Variants in NEO1 observed in about 807,000 individuals in gnomAD.
NEO1 encodes the protein neogenin 1.
NEO1 carries 63 observed loss-of-function variants against 159.7 expected under a neutral mutation model. The ratio of observed to expected loss-of-function variants is 0.39; its 90% CI spans 0.32 to 0.49. The LOEUF is 0.49. Ranked by LOEUF, NEO1 falls within the 20% of genes least tolerant of loss-of-function variation. NEO1 has a pLI of 0.85. For synonymous variants in NEO1, 633 were observed against 662.0 expected (o/e 0.96, Z 0.67); for missense variants, 1,615 against 1,831.0 (o/e 0.88, Z 2.15).
In NEO1 at chr15:73,122,705, A is replaced by G. The variant is rs771527512; in HGVS notation, c.629A>G (p.Asn210Ser). 1.3e-5 allele frequency: 21 copies of G among 1,614,084 alleles called. No individual in the cohort carries two copies. The East Asian group carries it at 2.0e-4, about 15-fold the overall frequency. The stretch of plus-strand genomic sequence containing the variant: ...CCAAGTGGAATGCTGGTTATCAGCA[A>G]TGCAACTGAAGGAGATGGCGGGCTT... ...KLPSGMLVIS[N>S]ATEGDGGLYR... Residue 210 changes from asparagine (N) to serine (S), a missense_variant, in exon 3 of 29, where the codon AAT becomes AGT. Around this residue, in one of 3 missense-constraint regions of NEO1, gnomAD observed 1,018 missense variants for 1,115.4 expected, o/e 0.91. Coordinates refer to ENST00000261908, the MANE Select transcript of NEO1 (RefSeq NM_002499.4).
At chr15:73,191,950 TG>T (rs1222674883) in intron 7 of NEO1, among the ~76,000 whole-genome samples, 1 of 152,050 alleles carries the variant, frequency 6.6e-6, no homozygotes, top group Non-Finnish European at 1.5e-5. Context: ...AAATTCTATA[TG>T]GCATATACAA....
chr15:73,098,999 T>G (rs2070247504), intron 1 of NEO1, among the ~76,000 whole-genome samples: 1 of 152,204 alleles, frequency 6.6e-6, no homozygotes, highest in African/African-American at 2.4e-5. Context: ...GTTGAGCATC[T>G]TTTTAAATGA....
intron 7 of NEO1, chr15:73,221,551 A>C (rs984671016): frequency 6.5e-6 from 1 of 152,728 alleles, no homozygotes; most frequent in Non-Finnish European, 1.5e-5. Flanking sequence ...ACAGAGGCAG[A>C]CAGGCCTCCT....
intron 1 of NEO1, among the ~76,000 whole-genome samples, chr15:73,110,226 A>G (rs2070902044): frequency 6.6e-6 from 1 of 152,122 alleles, no homozygotes; most frequent in East Asian, 1.9e-4. Context: ...AACAAGTAGT[A>G]AAAAAAGAAA....
chr15:73,072,260 T>G (rs201019741), intron 1 of NEO1, among the ~76,000 whole-genome samples: 2 of 47,238 alleles, frequency 4.2e-5, no homozygotes, highest in Admixed American at 2.4e-4. Flanking sequence ...CAGCTTTTAA[T>G]TTTTTTTTTT....
intron 7 of NEO1, among the ~76,000 whole-genome samples, chr15:73,205,978 G>A (rs1191092778): frequency 6.6e-6 from 1 of 152,096 alleles, no homozygotes; most frequent in African/African-American, 2.4e-5. Context: ...TGCGATCTCG[G>A]CTCACTGCAA....
At chr15:73,178,469 T>C in intron 7 of NEO1, 42 bp downstream of exon 7, 1 of 1,607,180 alleles carries the variant, frequency 6.2e-7, no homozygotes, top group Non-Finnish European at 8.5e-7. Flanking sequence ...GGCTGTGTGC[T>C]TGATGAACAA....
chr15:73,069,468 A>G (rs2068429447), intron 1 of NEO1, among the ~76,000 whole-genome samples: 1 of 151,556 alleles, frequency 6.6e-6, no homozygotes, highest in Non-Finnish European at 1.5e-5. Context: ...TTGTTTTTTA[A>G]CCCATTAGTT....
intron 1 of NEO1, among the ~76,000 whole-genome samples, chr15:73,069,454 G>C (rs2068428367): frequency 6.6e-6 from 1 of 151,572 alleles, no homozygotes; most frequent in Non-Finnish European, 1.5e-5. Flanking sequence ...TTTGATCAAA[G>C]TTTTTGTTTT....
chr15:73,279,366 T>TTTTTTTTTTTTTTTTTTG (rs2041584298), intron 22 of NEO1, among the ~76,000 whole-genome samples: 1 of 147,310 alleles, frequency 6.8e-6, no homozygotes, highest in Non-Finnish European at 1.5e-5. Context: ...TTTTTTTTTT[T>TTTTTTTTTTTTTTTTTTG]GAGATGGAAT....
intron 26 of NEO1, among the ~76,000 whole-genome samples, chr15:73,294,208 C>A (rs959685786): frequency 1.3e-5 from 2 of 152,144 alleles, no homozygotes; most frequent in African/African-American, 4.8e-5. Flanking sequence ...CTTAGGAAAC[C>A]GCATTATCAA....
In NEO1 at chr15:73,272,498, G is replaced by A; in HGVS notation, c.2901G>A (p.Glu967=). The A allele has an allele frequency of 3.7e-6, 6 of 1,614,116 alleles. No individual in the cohort carries two copies. Among genetic ancestry groups the A allele is most frequent in the East Asian group, 2.2e-5 (1 of 44,888 alleles). Residue 967 remains glutamate (E), a synonymous_variant, in exon 19 of 29, where the codon GAG becomes GAA. Coordinates refer to ENST00000261908, the MANE Select transcript of NEO1 (RefSeq NM_002499.4). The part of the protein sequence containing the change: ...PPKDVTVVSK[E]GKPKTIIVNW... ...AGGATGTGACTGTTGTGAGTAAAGA[G>A]GGGAAACCTAAGACCATAATTGTGA...
chr15:73,292,502 A>C (rs1347959020), intron 25 of NEO1, among the ~76,000 whole-genome samples: 2 of 152,242 alleles, frequency 1.3e-5, no homozygotes, highest in Non-Finnish European at 2.9e-5. Context: ...GTTTATTCTC[A>C]GACTCTGGGC....
At chr15:73,211,767 GA>G (rs60585346) in intron 7 of NEO1, among the ~76,000 whole-genome samples, 48,911 of 152,050 alleles carry the variant, frequency 0.32, 9,058 homozygotes, top group Admixed American at 0.45. Context: ...CTACTGGAGA[GA>G]AGAGAAATAT....
chr15:73,077,256 C>G (rs943441261), intron 1 of NEO1, among the ~76,000 whole-genome samples: 1 of 152,142 alleles, frequency 6.6e-6, no homozygotes, highest in African/African-American at 2.4e-5. Flanking sequence ...GTTGGCCAGG[C>G]TGGTCTTGAA....
chr15:73,121,104 G>T (rs1286572776), intron 2 of NEO1, among the ~76,000 whole-genome samples: 2 of 151,998 alleles, frequency 1.3e-5, no homozygotes, highest in Non-Finnish European at 2.9e-5. Flanking sequence ...AACCACAGAT[G>T]TCCATCAAAA....
chr15:73,068,988 T>A (rs1315385138), intron 1 of NEO1, among the ~76,000 whole-genome samples: 1 of 148,764 alleles, frequency 6.7e-6, no homozygotes, highest in Admixed American at 6.7e-5. Flanking sequence ...AGGGTCTCAC[T>A]CTCACCTAGG....
intron 5 of NEO1, among the ~76,000 whole-genome samples, chr15:73,157,319 G>C (rs1567337345): frequency 1.3e-5 from 2 of 152,184 alleles, no homozygotes; most frequent in African/African-American, 2.4e-5. Context: ...CCAAAGCCTG[G>C]CACTGCCACT....
intron 7 of NEO1, among the ~76,000 whole-genome samples, chr15:73,181,773 G>A (rs1207431227): frequency 2.0e-5 from 3 of 152,158 alleles, no homozygotes; most frequent in East Asian, 1.9e-4. Context: ...CTTTTCACAT[G>A]AGATTTGGGC....
Sources: gnomAD v4.1 joint callset for allele counts (sites outside exome capture counted in the v4.1 genomes callset) on GRCh38, gnomAD v4.1.1 for gene constraint, gnomAD v4.1.1 regional missense constraint, MANE v1.5 for transcripts, NCBI Gene and HGNC (gene_info 2026-07-23, HGNC 2026-07-21) for gene names.